THRB: variants seen among roughly 807,000 people sequenced by gnomAD.
The protein encoded by THRB is nuclear receptor subfamily 1 group A member 2.
THRB carries 12 observed loss-of-function variants against 47.8 expected under a neutral mutation model. The observed-to-expected ratio is 0.25, with a 90% CI of 0.16 to 0.41. THRB has a LOEUF of 0.41. Ranked by LOEUF, THRB falls within the 10% of genes least tolerant of loss-of-function variation. The probability of loss-of-function intolerance (pLI) is 1.00; values close to 1 mark genes in which losing one functional copy is unlikely to be tolerated. For missense variants in THRB, 348 were observed against 589.2 expected (o/e 0.59, Z 4.24); for synonymous variants, 218 against 212.2 (o/e 1.03, Z -0.24).
intron 3 of THRB, among the ~76,000 whole-genome samples, chr3:24,231,255 C>T (rs534871043): frequency 1.5e-4 from 23 of 152,210 alleles, no homozygotes; most frequent in South Asian, 8.3e-4. Context: ...GTCTTGAAGG[C>T]GAAGCTATAA....
At chr3:24,391,585 A>C (rs1377727189) in intron 1 of THRB, among the ~76,000 whole-genome samples, 3 of 152,198 alleles carry the variant, frequency 2.0e-5, no homozygotes, top group African/African-American at 7.2e-5. Flanking sequence ...AGTACCAAGA[A>C]AGACACTTAT....
chr3:24,464,076 C>G (rs990150662), intron 1 of THRB, among the ~76,000 whole-genome samples: 1 of 152,052 alleles, frequency 6.6e-6, no homozygotes, highest in African/African-American at 2.4e-5. Flanking sequence ...GAAACCCCAT[C>G]TCTACTAAAA....
At chr3:24,292,378 G>A (rs1413594273) in intron 3 of THRB, among the ~76,000 whole-genome samples, 1 of 152,168 alleles carries the variant, frequency 6.6e-6, no homozygotes, top group Non-Finnish European at 1.5e-5. Context: ...CATAGTAGCT[G>A]TAAAAATTAA....
intron 4 of THRB, among the ~76,000 whole-genome samples, chr3:24,206,523 G>A (rs1478007312): frequency 6.6e-6 from 1 of 152,090 alleles, no homozygotes; most frequent in African/African-American, 2.4e-5. Context: ...GAAATTTACA[G>A]CACTAAATGC....
intron 2 of THRB, among the ~76,000 whole-genome samples, chr3:24,329,746 A>G: frequency 6.6e-6 from 1 of 152,246 alleles, no homozygotes; most frequent in South Asian, 2.1e-4. Context: ...TTAATGAAAG[A>G]AAAAGTGAGC....
At chr3:24,367,965 C>T (rs1005604962) in intron 1 of THRB, among the ~76,000 whole-genome samples, 1 of 152,074 alleles carries the variant, frequency 6.6e-6, no homozygotes, top group African/African-American at 2.4e-5. Flanking sequence ...AGCCCAAATC[C>T]TTAAAGGGAC....
At chr3:24,415,016 T>C (rs1335663520) in intron 1 of THRB, among the ~76,000 whole-genome samples, 1 of 151,896 alleles carries the variant, frequency 6.6e-6, no homozygotes, top group Non-Finnish European at 1.5e-5. Context: ...ATCTTGTGAA[T>C]AGAGGTTCTG....
At chr3:24,341,653 G>A (rs1356550645) in intron 1 of THRB, among the ~76,000 whole-genome samples, 1 of 152,180 alleles carries the variant, frequency 6.6e-6, no homozygotes, top group Non-Finnish European at 1.5e-5. Flanking sequence ...AAGAGGTTAA[G>A]TCTATTCTCC....
At chr3:24,359,354 T>C (rs2063913501) in intron 1 of THRB, among the ~76,000 whole-genome samples, 1 of 152,074 alleles carries the variant, frequency 6.6e-6, no homozygotes, top group East Asian at 1.9e-4. Flanking sequence ...AGTTGGAATT[T>C]TTAGATGGTG....
intron 5 of THRB, among the ~76,000 whole-genome samples, chr3:24,165,870 T>A (rs1307216704): frequency 6.6e-6 from 1 of 152,208 alleles, no homozygotes; most frequent in Non-Finnish European, 1.5e-5. Context: ...TTAGAGAATA[T>A]CCTTGGATAC....
At chr3:24,321,204 C>A (rs2058461325) in intron 2 of THRB, among the ~76,000 whole-genome samples, 1 of 152,112 alleles carries the variant, frequency 6.6e-6, no homozygotes, top group African/African-American at 2.4e-5. Context: ...ATAACATAAC[C>A]AGTTGTGTTA....
At chr3:24,417,622 G>C (rs531349711) in intron 1 of THRB, among the ~76,000 whole-genome samples, 3 of 151,826 alleles carry the variant, frequency 2.0e-5, no homozygotes, top group Non-Finnish European at 4.4e-5. Context: ...ATAAGCAACT[G>C]AGCCTTGGTG....
chr3:24,386,355 C>G (rs564778101), intron 1 of THRB, among the ~76,000 whole-genome samples: 4 of 152,230 alleles, frequency 2.6e-5, no homozygotes, highest in South Asian at 4.2e-4. Context: ...CCAACCACCT[C>G]TAGTCCCTCT....
At position 24,133,419 on chromosome 3, in the gene THRB, C is replaced by T. The variant is rs2034163187; in HGVS notation, c.782G>A (p.Gly261Asp). The T allele has an allele frequency of 7.4e-6, 12 of 1,614,136 alleles. No individual in the cohort carries two copies. Among genetic ancestry groups the T allele is most frequent in the South Asian group, 4.4e-5 (4 of 91,078 alleles). Residue 261 changes from glycine (G) to aspartate (D), a missense_variant, in exon 9 of 11, where the codon GGT becomes GAT. Physicochemically the swap from Gly to Asp is moderately conservative, Grantham distance 94 (BLOSUM62 -1). Coordinates refer to ENST00000646209, the MANE Select transcript of THRB (RefSeq NM_001354712.2). ...GQAPIVNAPE[G>D]GKVDLEAFSH... is the part of the protein sequence containing the mutation. Reference sequence around the variant, plus strand: ...GAAGGCTTCCAAGTCAACCTTTCCACCTTCTGGGGCATTGACTATTGGTGC... The same window carrying T: ...GAAGGCTTCCAAGTCAACCTTTCCATCTTCTGGGGCATTGACTATTGGTGC...
intron 1 of THRB, among the ~76,000 whole-genome samples, chr3:24,471,354 C>T (rs1391830189): frequency 6.6e-6 from 1 of 152,158 alleles, no homozygotes; most frequent in Non-Finnish European, 1.5e-5. Context: ...AGTTTGAGAA[C>T]CATTATTTTG....
chr3:24,459,960 T>C (rs181314984), intron 1 of THRB, among the ~76,000 whole-genome samples: 28 of 152,342 alleles, frequency 1.8e-4, no homozygotes, highest in African/African-American at 6.5e-4. Flanking sequence ...ACAAGACATT[T>C]TGGTAAACAG....
chr3:24,204,856 T>G (rs1156536738), intron 4 of THRB, among the ~76,000 whole-genome samples: 1 of 152,126 alleles, frequency 6.6e-6, no homozygotes, highest in Non-Finnish European at 1.5e-5. Flanking sequence ...CGTGACGAAT[T>G]CACAAGCTTC....
At chr3:24,308,359 A>C (rs539152470) in intron 2 of THRB, among the ~76,000 whole-genome samples, 1 of 152,200 alleles carries the variant, frequency 6.6e-6, no homozygotes, top group Non-Finnish European at 1.5e-5. Context: ...GAGGCTTAAC[A>C]ATACAAGGTT....
At chr3:24,205,660 T>C (rs2149785065) in intron 4 of THRB, among the ~76,000 whole-genome samples, 1 of 152,282 alleles carries the variant, frequency 6.6e-6, no homozygotes, top group South Asian at 2.1e-4. Context: ...ATATTAACCT[T>C]AAATGTAAAT....
Sources: allele counts gnomAD v4.1 joint callset (sites outside exome capture counted in the v4.1 genomes callset), GRCh38; gene constraint gnomAD v4.1.1; transcripts MANE v1.5; gene names NCBI Gene and HGNC (gene_info 2026-07-23, HGNC 2026-07-21).